The following SPTBN2 variants were observed in gnomAD, a reference collection of about 807,000 sequenced individuals.
SPTBN2 encodes the protein spectrin beta, non-erythrocytic 2.
In SPTBN2, 107 loss-of-function variants were observed where a neutral mutation model predicts 284.2. The observed-to-expected ratio is 0.38, with a 90% CI of 0.32 to 0.44. The LOEUF (loss-of-function observed/expected upper bound fraction) is 0.44, where lower values mean the gene tolerates loss of function less well. Ranked by LOEUF, SPTBN2 falls within the 20% of genes least tolerant of loss-of-function variation. SPTBN2 has a pLI of 1.00. For synonymous variants in SPTBN2, 1,289 were observed against 1,354.8 expected (o/e 0.95, Z 1.07); for missense variants, 2,569 against 3,287.1 (o/e 0.78, Z 5.34).
At chr11:66,713,610 T>A in intron 8 of SPTBN2, 21 bp downstream of exon 8, 2 of 1,604,172 alleles carry the variant, frequency 1.2e-6, no homozygotes, top group Non-Finnish European at 1.7e-6. Flanking sequence ...CCACCTCTTT[T>A]TCACATAGCT....
At position 66,687,682 on chromosome 11, in the gene SPTBN2, G is replaced by A. The variant is rs1940226544; in HGVS notation, c.6502-35C>T. On this transcript the variant is annotated intron_variant, in intron 34 of 37. Coordinates refer to ENST00000533211, the MANE Select transcript of SPTBN2 (RefSeq NM_006946.4). This position sits in a 1 kb window ranked among gnomAD's most constrained non-coding sequence, Gnocchi z 5.2. ...AATCAGTGTCAGTGTCAAAGGTTGA[G>A]ACGGGAGATCCCTAACCTGGGTGCC... 1.3e-6 allele frequency: 2 copies of A among 1,575,096 alleles called. No homozygotes were observed. The highest frequency in any genetic ancestry group is 1.7e-6 in the Non-Finnish European group (2 of 1,159,688).
rs753293444 is a variant in SPTBN2, at chr11:66,707,826, G to A, written c.1351-8C>T. 89 of 1,607,208 alleles carry A rather than the reference G, an allele frequency of 5.5e-5. No homozygotes were observed. Among genetic ancestry groups the A allele is most frequent in the Admixed American group, 8.3e-5 (5 of 59,960 alleles). ...CTCCAGCCCAAAGTTGTCCTGTGTC[G>A]GGGGCAGGGAGAGGAGGTGTGGGGA... is the stretch of plus-strand genomic sequence containing the variant. On this transcript the variant is annotated splice_region_variant and splice_polypyrimidine_tract_variant and intron_variant, in intron 12 of 37. Transcript: ENST00000533211. This position sits in a 1 kb window ranked among gnomAD's most constrained non-coding sequence, Gnocchi z 4.9.
chr11:66,707,955 C>T lies in SPTBN2; in HGVS notation c.1351-137G>A. On this transcript the variant is annotated intron_variant, in intron 12 of 37. Transcript: ENST00000533211. This position sits in a 1 kb window ranked among gnomAD's most constrained non-coding sequence, Gnocchi z 4.9. The stretch of plus-strand genomic sequence containing the variant: ...CTAAGTTCCCTCTCTATCCCACCCC[C>T]ATCCTGTCTCACCAACCCTCTCTCC... 1 of 1,378,840 alleles carries T rather than the reference C, an allele frequency of 7.3e-7. No individual in the cohort carries two copies. The highest frequency in any genetic ancestry group is 1.3e-5 in the South Asian group (1 of 76,150). The allele number at this position is 1,378,840 out of a possible 1,614,324, so 85.4% of individuals were successfully genotyped here.
intron 15 of SPTBN2, among the ~76,000 whole-genome samples, chr11:66,703,972 C>CTTTTTT (rs11286358): frequency 5.6e-4 from 61 of 109,702 alleles, no homozygotes; most frequent in African/African-American, 6.4e-4. Context: ...TATTTCTTTT[C>CTTTTTT]TTTTTTTTTT....
intron 20 of SPTBN2, 39 bp from the exon 21 acceptor site, chr11:66,696,579 A>G (rs1198378582): frequency 1.9e-6 from 3 of 1,607,028 alleles, no homozygotes; most frequent in Non-Finnish European, 2.5e-6. Context: ...TGCCCAAATT[A>G]GCCTGAACTT....
At chr11:66,719,386 G>A (rs542494970) in intron 3 of SPTBN2, among the ~76,000 whole-genome samples, 7 of 152,302 alleles carry the variant, frequency 4.6e-5, no homozygotes, top group East Asian at 1.9e-4. Context: ...GGGCTTCAGC[G>A]TTTGTCATGT....
At position 66,715,995 on chromosome 11, in the gene SPTBN2, A is replaced by G. The variant is rs1193048858; in HGVS notation, c.158-14T>C. ...CTTCTCGTTCATCTGTGGTGGCAAC[A>G]TGGGTTTATTTCTGTCCCTCGAGTT... On this transcript the variant is annotated splice_polypyrimidine_tract_variant and intron_variant, in intron 3 of 37. Transcript: ENST00000533211. The surrounding 1 kb of genome is among the most constrained non-coding windows in gnomAD (Gnocchi z 5.3). 6.2e-7 allele frequency: 1 copy of G among 1,613,622 alleles called. No individual in the cohort carries two copies. Among genetic ancestry groups the G allele is most frequent in the South Asian group, 1.1e-5 (1 of 91,044 alleles).
At chr11:66,725,283 G>A (rs1404216564) in intron 1 of SPTBN2, among the ~76,000 whole-genome samples, 2 of 152,172 alleles carry the variant, frequency 1.3e-5, no homozygotes, top group Non-Finnish European at 2.9e-5. Flanking sequence ...TGGCTCTGAG[G>A]CTCTGCTACC....
intron 27 of SPTBN2, among the ~76,000 whole-genome samples, chr11:66,690,961 G>C (rs1211872511): frequency 1.3e-5 from 2 of 152,158 alleles, no homozygotes; most frequent in Non-Finnish European, 2.9e-5. Flanking sequence ...AGGATTACAG[G>C]CATGCGCCAC....
At chr11:66,721,324 C>G (rs566610419) in intron 2 of SPTBN2, 26 bp downstream of exon 2, 6 of 1,569,868 alleles carry the variant, frequency 3.8e-6, no homozygotes, top group Non-Finnish European at 5.3e-6. Context: ...CACTCACCAC[C>G]GGGGCCTTCT....
Position 66,696,449 on chromosome 11 carries a change from T to A in SPTBN2, c.4106A>T (p.Glu1369Val). ...RDLHRRWDELETTTQAKARSL... is the reference protein window; with the variant it reads ...RDLHRRWDELVTTTQAKARSL... ...GCGGGCCTTGGCTTGGGTGGTGGTC[T>A]CCAGCTCGTCCCAGCGCCTGTGCAG... Residue 1369 changes from glutamate to valine, a missense_variant, in exon 21 of 38, where the codon GAG becomes GTG. Glu to Val is a moderately radical substitution (Grantham distance 121, BLOSUM62 -2). This residue lies in a region of SPTBN2 where 50 missense variants were observed against 48.1 expected (regional missense o/e 1.04). Transcript: ENST00000533211. 1 of 1,612,896 alleles carries A rather than the reference T, an allele frequency of 6.2e-7. No homozygotes were observed.
intron 1 of SPTBN2, among the ~76,000 whole-genome samples, chr11:66,740,453 C>T (rs1000256259): frequency 1.3e-5 from 2 of 152,172 alleles, no homozygotes; most frequent in African/African-American, 4.8e-5. Flanking sequence ...TCTGCTAGAA[C>T]ATCCCTGTCT....
chr11:66,699,217 T>C, intron 18 of SPTBN2, 135 bp from the exon 19 acceptor site: 1 of 1,321,314 alleles, frequency 7.6e-7, no homozygotes, highest in Non-Finnish European at 1.1e-6. Flanking sequence ...CCAGGAATCC[T>C]GACTTCCTTT....
chr11:66,742,559 C>T (rs1942902884), intron 1 of SPTBN2, among the ~76,000 whole-genome samples: 1 of 152,056 alleles, frequency 6.6e-6, no homozygotes. Flanking sequence ...TCTTCATTCT[C>T]AATGCCATTC....
intron 1 of SPTBN2, among the ~76,000 whole-genome samples, chr11:66,734,929 G>GGCAACA (rs1438087969): frequency 6.6e-6 from 1 of 152,118 alleles, no homozygotes; most frequent in African/African-American, 2.4e-5. Flanking sequence ...CAGCAGCAAC[G>GGCAACA]GCAACAGCAA....
intron 1 of SPTBN2, among the ~76,000 whole-genome samples, chr11:66,736,756 C>A (rs1428892514): frequency 6.6e-6 from 1 of 152,164 alleles, no homozygotes; most frequent in East Asian, 1.9e-4. Flanking sequence ...CTAGAAAACC[C>A]AGGGCACTCA....
intron 20 of SPTBN2, among the ~76,000 whole-genome samples, chr11:66,697,811 T>C (rs1456921121): frequency 6.6e-6 from 1 of 152,178 alleles, no homozygotes; most frequent in African/African-American, 2.4e-5. Context: ...GGGTGGAGCC[T>C]ACCATGGGAT....
Position 66,686,986 on chromosome 11 carries a change from G to C in SPTBN2, c.6896+8C>G. The C allele has an allele frequency of 1.2e-6, 2 of 1,613,792 alleles. No homozygotes were observed. Among genetic ancestry groups the C allele is most frequent in the Non-Finnish European group, 1.7e-6 (2 of 1,180,010 alleles). ...TCCCATCCCGAGAGCACTGTTCCCTGTTCCTACCCCAGCTTGAAGACATGT... is the reference window on the plus strand; with the variant it reads ...TCCCATCCCGAGAGCACTGTTCCCTCTTCCTACCCCAGCTTGAAGACATGT... On this transcript the variant is annotated splice_region_variant and intron_variant, in intron 36 of 37. Transcript: ENST00000533211.
intron 3 of SPTBN2, 131 bp from the exon 4 acceptor site, chr11:66,716,112 G>A (rs1942133774): frequency 1.7e-6 from 2 of 1,190,292 alleles, no homozygotes; most frequent in Non-Finnish European, 2.5e-6. Flanking sequence ...AGGAGGAAGG[G>A]AAGGAAGATG....
Sources: gnomAD v4.1 joint callset for allele counts (sites outside exome capture counted in the v4.1 genomes callset) on GRCh38, gnomAD v4.1.1 for gene constraint, gnomAD v4.1.1 regional missense constraint, Gnocchi (gnomAD v3.1) non-coding constraint, MANE v1.5 for transcripts, NCBI Gene and HGNC (gene_info 2026-07-23, HGNC 2026-07-21) for gene names.